STIM2: variants seen among roughly 807,000 people sequenced by gnomAD.
STIM2 encodes stromal interaction molecule 2.
Under a neutral mutation model 85.8 loss-of-function variants are expected in STIM2, and 31 were observed. The observed-to-expected ratio is 0.36, with a 90% CI of 0.27 to 0.49. STIM2 has a LOEUF of 0.49. Ranked by LOEUF, STIM2 falls within the 20% of genes least tolerant of loss-of-function variation. STIM2 has a pLI of 0.98. For missense variants in STIM2, 841 were observed against 927.6 expected (o/e 0.91, Z 1.21); for synonymous variants, 356 against 331.1 (o/e 1.08, Z -0.82).
intron 1 of STIM2, among the ~76,000 whole-genome samples, chr4:26,888,376 A>T (rs955726883): frequency 6.6e-6 from 1 of 152,240 alleles, no homozygotes; most frequent in Non-Finnish European, 1.5e-5. Context: ...CATTCTCCCT[A>T]ATAAGCTATA....
intron 11 of STIM2, among the ~76,000 whole-genome samples, chr4:27,021,771 G>A (rs1728921527): frequency 6.6e-6 from 1 of 152,170 alleles, no homozygotes; most frequent in Admixed American, 6.5e-5. Context: ...GAGGAAGGAT[G>A]GGAGCAGGGG....
In STIM2 at chr4:26,872,345, G is replaced by A. The variant is rs753306368; in HGVS notation, c.151+10976G>A. ...TTGTATCATAAGCCTGAGTCATTTT[G>A]TACCTTTATTATTTTATATGATTTA... On this transcript the variant is annotated intron_variant, in intron 1 of 11. Transcript: ENST00000467087. 1.7e-4 allele frequency among the ~76,000 whole-genome samples: 26 copies of A among 151,998 alleles called. 1 individual carries two copies. Among genetic ancestry groups the A allele is most frequent in the Non-Finnish European group, 3.4e-4 (23 of 67,988 alleles).
intron 10 of STIM2, among the ~76,000 whole-genome samples, chr4:27,014,266 A>G (rs576345896): frequency 4.1e-4 from 62 of 151,896 alleles, no homozygotes; most frequent in African/African-American, 1.4e-3. Flanking sequence ...CACCTCCCAC[A>G]TGAATTTTAA....
intron 2 of STIM2, among the ~76,000 whole-genome samples, chr4:26,933,606 G>C (rs1239639795): frequency 6.6e-6 from 1 of 151,322 alleles, no homozygotes; most frequent in African/African-American, 2.4e-5. Flanking sequence ...TTTATCATAT[G>C]CTTTGGGTTT....
intron 2 of STIM2, among the ~76,000 whole-genome samples, chr4:26,929,816 G>A (rs919814436): frequency 1.3e-5 from 2 of 152,034 alleles, no homozygotes; most frequent in African/African-American, 4.8e-5. Flanking sequence ...CATTCAGGTA[G>A]GGCTTGTGGG....
chr4:26,938,773 TTATAGA>T (rs1725486002), intron 2 of STIM2, among the ~76,000 whole-genome samples: 1 of 152,216 alleles, frequency 6.6e-6, no homozygotes, highest in African/African-American at 2.4e-5. Context: ...GTGTTCTCTC[TTATAGA>T]TAAGGAGACA....
chr4:26,888,907 T>G (rs1009075721), intron 1 of STIM2, among the ~76,000 whole-genome samples: 2 of 152,184 alleles, frequency 1.3e-5, no homozygotes, highest in Non-Finnish European at 1.5e-5. Context: ...GCAACCCTGG[T>G]CAGTACACTA....
At chr4:26,971,277 G>T (rs1054775223) in intron 3 of STIM2, among the ~76,000 whole-genome samples, 2 of 152,126 alleles carry the variant, frequency 1.3e-5, no homozygotes. Context: ...TTTGGCTTTT[G>T]TGGCCATTGC....
At chr4:26,868,830 G>A (rs1560549213) in intron 1 of STIM2, among the ~76,000 whole-genome samples, 1 of 152,134 alleles carries the variant, frequency 6.6e-6, no homozygotes, top group Non-Finnish European at 1.5e-5. Flanking sequence ...TTGAACCATT[G>A]TCATGTTTAG....
intron 1 of STIM2, among the ~76,000 whole-genome samples, chr4:26,890,126 A>G (rs1723409609): frequency 6.6e-6 from 1 of 152,172 alleles, no homozygotes. Flanking sequence ...CCAGAAAGGC[A>G]GTTAGTGCTA....
chr4:27,022,740 T>A lies in STIM2; in HGVS notation c.1985T>A (p.Met662Lys). The change falls in exon 12 of 12, where the codon ATG becomes AAG. Residue 662 changes from methionine (M) to lysine (K), a missense_variant. Physicochemically the swap from Met to Lys is moderately conservative, Grantham distance 95. This residue lies in a region of STIM2 where 293 missense variants were observed against 284.5 expected (regional missense o/e 1.03). Transcript: ENST00000467087. ...GTAGGTCTGACAGAAACTAAGAGTA[T>A]GATCTTCAGTCCTGCAAGCAAAGTG... 6.2e-7 allele frequency: 1 copy of A among 1,614,232 alleles called. No homozygotes were observed. Among genetic ancestry groups the A allele is most frequent in the East Asian group, 2.2e-5 (1 of 44,886 alleles).
intron 2 of STIM2, among the ~76,000 whole-genome samples, chr4:26,923,106 G>C (rs965062741): frequency 6.6e-6 from 1 of 151,074 alleles, no homozygotes; most frequent in Non-Finnish European, 1.5e-5. Context: ...GCACCCCCCA[G>C]CAGGGGCACA....
At chr4:26,882,407 CTGGTT>C (rs1723045560) in intron 1 of STIM2, among the ~76,000 whole-genome samples, 2 of 151,854 alleles carry the variant, frequency 1.3e-5, no homozygotes, top group African/African-American at 4.8e-5. Flanking sequence ...CCTTGTAATT[CTGGTT>C]TTATCTAGAA....
chr4:26,915,977 G>A (rs1238536946), intron 1 of STIM2, among the ~76,000 whole-genome samples: 3 of 152,156 alleles, frequency 2.0e-5, no homozygotes, highest in Non-Finnish European at 2.9e-5. Flanking sequence ...GGCATTTTGG[G>A]TAGCTAAAGA....
At chr4:26,917,309 C>G (rs1577436448) in intron 1 of STIM2, among the ~76,000 whole-genome samples, 1 of 152,124 alleles carries the variant, frequency 6.6e-6, no homozygotes, top group African/African-American at 2.4e-5. Flanking sequence ...ACTTATTTAT[C>G]TTGTTAGGTT....
intron 1 of STIM2, among the ~76,000 whole-genome samples, chr4:26,870,454 A>G (rs1183566557): frequency 1.3e-5 from 2 of 152,216 alleles, no homozygotes; most frequent in East Asian, 1.9e-4. Flanking sequence ...ATAACAAAAT[A>G]TATGTTAGAA....
At chr4:26,999,480 T>C in intron 5 of STIM2, 133 bp downstream of exon 5, 1 of 372,026 alleles carries the variant, frequency 2.7e-6, no homozygotes, top group Non-Finnish European at 4.7e-6. Flanking sequence ...AGAAGTGTAA[T>C]ACTACCTTAA....
At chr4:26,968,034 G>T (rs1228931689) in intron 3 of STIM2, among the ~76,000 whole-genome samples, 2 of 152,112 alleles carry the variant, frequency 1.3e-5, no homozygotes, top group Non-Finnish European at 2.9e-5. Context: ...CGCCAGTCTT[G>T]GTAGTATGCA....
intron 3 of STIM2, among the ~76,000 whole-genome samples, chr4:26,959,026 T>C (rs1285060920): frequency 6.6e-6 from 1 of 152,238 alleles, no homozygotes; most frequent in African/African-American, 2.4e-5. Flanking sequence ...GTCTCTTGCC[T>C]GGATAATTGT....
Sources: gnomAD v4.1 joint callset for allele counts (sites outside exome capture counted in the v4.1 genomes callset) on GRCh38, gnomAD v4.1.1 for gene constraint, gnomAD v4.1.1 regional missense constraint, MANE v1.5 for transcripts, NCBI Gene and HGNC (gene_info 2026-07-23, HGNC 2026-07-21) for gene names.